The following RPS6KA5 variants were observed in gnomAD, a reference collection of about 807,000 sequenced individuals.
The protein encoded by RPS6KA5 is ribosomal protein S6 kinase alpha-5.
A neutral mutation model predicts 85.5 loss-of-function variants in RPS6KA5; 27 were observed. The ratio of observed to expected loss-of-function variants is 0.32; its 90% confidence interval spans 0.23 to 0.44. The LOEUF is 0.44. Among genes scored for constraint, RPS6KA5 ranks in the 20% least tolerant of loss-of-function variants. The pLI is 1.00. For synonymous variants in RPS6KA5, 334 were observed against 348.2 expected (o/e 0.96, Z 0.46); for missense variants, 811 against 980.9 (o/e 0.83, Z 2.31).
intron 2 of RPS6KA5, among the ~76,000 whole-genome samples, chr14:90,993,486 C>T (rs959883668): frequency 6.6e-6 from 1 of 152,096 alleles, no homozygotes; most frequent in African/African-American, 2.4e-5. Context: ...AAAAGAACAA[C>T]AACAACAACA....
At chr14:91,000,131 T>TA (rs1032621276) in intron 2 of RPS6KA5, among the ~76,000 whole-genome samples, 3 of 152,184 alleles carry the variant, frequency 2.0e-5, no homozygotes, top group Non-Finnish European at 2.9e-5. Context: ...TGCATACAAA[T>TA]ATACACGCAG....
intron 3 of RPS6KA5, among the ~76,000 whole-genome samples, chr14:90,967,096 A>G (rs1485206785): frequency 3.3e-5 from 5 of 152,234 alleles, no homozygotes; most frequent in Admixed American, 1.3e-4. Context: ...GGCAAATTTC[A>G]TTAATGTGAC....
chr14:90,894,723 T>C (rs2140208684), intron 12 of RPS6KA5, 140 bp from the exon 13 acceptor site: 1 of 1,047,458 alleles, frequency 9.5e-7, no homozygotes, highest in Non-Finnish European at 1.3e-6. Flanking sequence ...CCTCATATCT[T>C]AGAGAAAAGG....
intron 1 of RPS6KA5, among the ~76,000 whole-genome samples, chr14:91,019,709 T>G (rs1029875288): frequency 2.0e-5 from 3 of 152,254 alleles, no homozygotes; most frequent in African/African-American, 7.2e-5. Context: ...CTCACAATGC[T>G]TGGCAGTAGC....
At chr14:90,991,955 TG>T (rs2064085859) in intron 2 of RPS6KA5, among the ~76,000 whole-genome samples, 1 of 152,114 alleles carries the variant, frequency 6.6e-6, no homozygotes, top group Non-Finnish European at 1.5e-5. Flanking sequence ...TCAAGATATT[TG>T]ATGAATAGCA....
At chr14:91,054,080 T>C (rs1227394910) in intron 1 of RPS6KA5, among the ~76,000 whole-genome samples, 1 of 152,126 alleles carries the variant, frequency 6.6e-6, no homozygotes, top group African/African-American at 2.4e-5. Context: ...GCCAAGACAT[T>C]AAAATGGAGA....
intron 1 of RPS6KA5, among the ~76,000 whole-genome samples, chr14:91,050,976 C>T (rs1179324892): frequency 6.6e-6 from 1 of 152,000 alleles, no homozygotes; most frequent in East Asian, 1.9e-4. Flanking sequence ...GTCTGTAATT[C>T]CAGCCATTTG....
intron 1 of RPS6KA5, among the ~76,000 whole-genome samples, chr14:91,003,197 T>G (rs2040861443): frequency 6.6e-6 from 1 of 152,112 alleles, no homozygotes; most frequent in Admixed American, 6.5e-5. Flanking sequence ...TTTACTGAGA[T>G]ATGTACAAGC....
Position 90,849,729 on chromosome 14 carries a change from T to C in RPS6KA5, c.*22345A>G, listed in dbSNP as rs1289791734. 6.6e-6 allele frequency: 1 copy of C among 152,258 alleles called. No individual in the cohort carries two copies. Among genetic ancestry groups the C allele is most frequent in the Admixed American group, 6.5e-5 (1 of 15,288 alleles). 9.4% of individuals were successfully genotyped at this position (152,258 alleles called of 1,614,324 possible). On this transcript the variant is annotated 3_prime_UTR_variant, in exon 17 of 17. Transcript: ENST00000614987. ...GGAAAGTTAAAGGGATTTACTTTAT[T>C]GATGCTAATGTAGGGGTCAGCTAAC...
intron 1 of RPS6KA5, among the ~76,000 whole-genome samples, chr14:91,011,768 A>G (rs1172235628): frequency 6.6e-6 from 1 of 152,222 alleles, no homozygotes; most frequent in Non-Finnish European, 1.5e-5. Context: ...CGAATAGCAT[A>G]ATGATCCAGT....
intron 2 of RPS6KA5, among the ~76,000 whole-genome samples, chr14:90,992,669 T>C (rs1237339735): frequency 3.9e-5 from 6 of 152,244 alleles, no homozygotes; most frequent in African/African-American, 1.4e-4. Flanking sequence ...TCCTGTTTTC[T>C]GAAAGAGTTT....
At chr14:91,045,899 C>T (rs771650651) in intron 1 of RPS6KA5, among the ~76,000 whole-genome samples, 7 of 152,140 alleles carry the variant, frequency 4.6e-5, no homozygotes, top group Non-Finnish European at 1.0e-4. Flanking sequence ...CACACTCAAG[C>T]CAGACACCTT....
intron 1 of RPS6KA5, among the ~76,000 whole-genome samples, chr14:91,036,584 T>A (rs945513831): frequency 2.0e-5 from 3 of 152,136 alleles, no homozygotes; most frequent in Admixed American, 6.5e-5. Context: ...TGCAGATAAT[T>A]TAGCTGGAAG....
chr14:90,944,592 C>T (rs1475979479), intron 4 of RPS6KA5, among the ~76,000 whole-genome samples: 2 of 152,090 alleles, frequency 1.3e-5, no homozygotes, highest in Non-Finnish European at 2.9e-5. Flanking sequence ...CCCGACTCTA[C>T]TAAAAATACA....
At chr14:90,886,636 G>T (rs1449036927) in intron 14 of RPS6KA5, among the ~76,000 whole-genome samples, 2 of 152,198 alleles carry the variant, frequency 1.3e-5, no homozygotes, top group Non-Finnish European at 2.9e-5. Flanking sequence ...GTAATCCAAA[G>T]AGAGGGCCCT....
chr14:91,023,015 G>A (rs1463971581), intron 1 of RPS6KA5, among the ~76,000 whole-genome samples: 2 of 150,922 alleles, frequency 1.3e-5, no homozygotes, highest in African/African-American at 4.9e-5. Context: ...AACCGAGGAG[G>A]CGGAGGTTGT....
rs2031832377 is a variant in RPS6KA5 at position 90,848,613 on chromosome 14, A to G, written c.*23461T>C. 6.6e-6 allele frequency: 1 copy of G among 152,216 alleles called. No individual in the cohort carries two copies. The highest frequency in any genetic ancestry group is 2.4e-5 in the African/African-American group (1 of 41,448). 9.4% of individuals were successfully genotyped at this position (152,216 alleles called of 1,614,324 possible). ...AATAAAATTGATCCTTGATGTGAGAATAACTGTATTCCTTGCATGTTCAGA... is the reference window on the plus strand; with the variant it reads ...AATAAAATTGATCCTTGATGTGAGAGTAACTGTATTCCTTGCATGTTCAGA... On this transcript the variant is annotated 3_prime_UTR_variant, in exon 17 of 17. Coordinates refer to ENST00000614987, the MANE Select transcript of RPS6KA5 (RefSeq NM_004755.4).
intron 4 of RPS6KA5, among the ~76,000 whole-genome samples, chr14:90,945,992 T>C (rs2037851028): frequency 6.6e-6 from 1 of 152,204 alleles, no homozygotes; most frequent in Non-Finnish European, 1.5e-5. Context: ...GCTTACTCAC[T>C]GGAGCTATTC....
intron 1 of RPS6KA5, among the ~76,000 whole-genome samples, chr14:91,002,319 T>G (rs188487580): frequency 6.6e-6 from 1 of 152,244 alleles, no homozygotes; most frequent in Admixed American, 6.5e-5. Flanking sequence ...AACAAAATAT[T>G]AATTGCAGAA....
Sources: gnomAD v4.1 joint callset for allele counts (sites outside exome capture counted in the v4.1 genomes callset) on GRCh38, gnomAD v4.1.1 for gene constraint, MANE v1.5 for transcripts, NCBI Gene and HGNC (gene_info 2026-07-23, HGNC 2026-07-21) for gene names.